CRYM: variants seen among roughly 807,000 people sequenced by gnomAD.
The protein encoded by CRYM is crystallin mu.
In CRYM, 18 loss-of-function variants were observed where a neutral mutation model predicts 32.9. That is an observed-to-expected ratio of 0.55 (90% CI 0.38 to 0.81). The LOEUF (loss-of-function observed/expected upper bound fraction) is 0.81, where lower values mean the gene tolerates loss of function less well. Among genes scored for constraint, CRYM ranks in the 30% least tolerant of loss-of-function variants. The pLI is 0.00. For missense variants in CRYM, 337 were observed against 393.5 expected, an observed-to-expected ratio of 0.86 and a Z score of 1.21; for synonymous variants, 153 against 152.4, an observed-to-expected ratio of 1.00 and a Z score of -0.03.
At chr16:21,286,972 C>A (rs972295415) in intron 1 of CRYM, among the ~76,000 whole-genome samples, 6 of 151,942 alleles carry the variant, frequency 3.9e-5, no homozygotes, top group Admixed American at 3.9e-4. Context: ...CGCCTGTAGT[C>A]CCAGCTACTA....
chr16:21,264,385 C>T (rs954692087), intron 5 of CRYM, among the ~76,000 whole-genome samples: 9 of 152,210 alleles, frequency 5.9e-5, no homozygotes, highest in East Asian at 1.9e-4. Flanking sequence ...GTCACTCAGG[C>T]GGATGGAGGT....
chr16:21,269,484 G>C (rs1426732286), intron 4 of CRYM, among the ~76,000 whole-genome samples: 1 of 152,158 alleles, frequency 6.6e-6, no homozygotes. Flanking sequence ...TAATAGACAG[G>C]AGCTAAAAGG....
intron 3 of CRYM, among the ~76,000 whole-genome samples, chr16:21,275,064 A>G (rs1295775459): frequency 6.6e-6 from 1 of 152,242 alleles, no homozygotes; most frequent in Non-Finnish European, 1.5e-5. Context: ...GGATATGTTC[A>G]GTTCACTCAG....
chr16:21,299,716 T>A (rs1355462288), intron 1 of CRYM, among the ~76,000 whole-genome samples: 1 of 152,222 alleles, frequency 6.6e-6, no homozygotes, highest in Admixed American at 6.5e-5. Context: ...GACTAGTTCA[T>A]GAGGAATAAA....
chr16:21,299,906 T>C (rs1330513815), intron 1 of CRYM: 2 of 152,226 alleles, frequency 1.3e-5, no homozygotes, highest in Non-Finnish European at 2.9e-5. Flanking sequence ...TTATCCTTTC[T>C]TGAGTAGTGT....
intron 3 of CRYM, among the ~76,000 whole-genome samples, chr16:21,272,374 T>C (rs1008113024): frequency 1.3e-5 from 2 of 152,086 alleles, no homozygotes; most frequent in African/African-American, 4.8e-5. Context: ...CACCATGCCA[T>C]GTTCCCCTGC....
upstream of CRYM, among the ~76,000 whole-genome samples, chr16:21,282,856 A>G (rs1403764649): frequency 6.6e-6 from 1 of 152,170 alleles, no homozygotes; most frequent in Non-Finnish European, 1.5e-5. Flanking sequence ...TAATTGTCCC[A>G]AGCCTCCAAT....
intron 1 of CRYM, among the ~76,000 whole-genome samples, chr16:21,302,042 C>T (rs1960957789): frequency 6.6e-6 from 1 of 152,228 alleles, no homozygotes; most frequent in Non-Finnish European, 1.5e-5. Flanking sequence ...GCATATAAAT[C>T]CTCCAGAGAC....
chr16:21,279,901 G>C (rs924061445), upstream of CRYM, among the ~76,000 whole-genome samples: 18 of 152,108 alleles, frequency 1.2e-4, no homozygotes, highest in Admixed American at 2.0e-4. Context: ...CACTGAGAGA[G>C]AAAGAGAGAG....
chr16:21,290,584 A>G (rs1960620150), intron 1 of CRYM, among the ~76,000 whole-genome samples: 1 of 152,176 alleles, frequency 6.6e-6, no homozygotes, highest in Admixed American at 6.5e-5. Flanking sequence ...CATCTTACAA[A>G]TATGCTTTTT....
Position 21,261,270 on chromosome 16 carries a change from G to A in CRYM, c.864C>T (p.Thr288=), listed in dbSNP as rs14122. Residue 288 remains threonine, a synonymous_variant, in exon 7 of 8, where the codon ACC becomes ACT. Coordinates refer to ENST00000572914, the MANE Select transcript of CRYM (RefSeq NM_001376256.1). ...GVKPAHCEKT[T]VFKSLGMAVE... is the part of the protein sequence containing the mutation. ...GGATCTTACCCAAAGACTTGAACAC[G>A]GTGGTCTTCTCACAGTGGGCTGGTT... 2.7e-5 allele frequency: 43 copies of A among 1,613,080 alleles called. No homozygotes were observed. The highest frequency in any genetic ancestry group is 2.7e-5 in the Non-Finnish European group (32 of 1,179,486).
intron 1 of CRYM, among the ~76,000 whole-genome samples, chr16:21,285,062 C>T (rs1254471570): frequency 6.6e-6 from 1 of 152,044 alleles, no homozygotes; most frequent in Non-Finnish European, 1.5e-5. Context: ...TTTGGTTACT[C>T]GTATGTCTTC....
intron 4 of CRYM, among the ~76,000 whole-genome samples, chr16:21,269,480 A>G (rs2093370567): frequency 6.6e-6 from 1 of 152,218 alleles, no homozygotes; most frequent in Admixed American, 6.5e-5. Flanking sequence ...AACATAATAG[A>G]CAGGAGCTAA....
chr16:21,275,633 T>C (rs1295691425), intron 2 of CRYM, 39 bp from the exon 3 acceptor site: 1 of 1,487,452 alleles, frequency 6.7e-7, no homozygotes, highest in Non-Finnish European at 9.4e-7. Context: ...GGGGAACCCC[T>C]GTCCACTGCA....
rs145291318 is a variant in CRYM at position 21,270,607 on chromosome 16, A to G, written c.388-716T>C. 8.5e-4 allele frequency among the ~76,000 whole-genome samples: 130 copies of G among 152,246 alleles called. No homozygotes were observed. In the East Asian group the frequency reaches 0.023, roughly 27 times the overall value. ...CCAGGTCTTACAACTATTGAAGGGC[A>G]CAGTGTGGCTCTAAAGTCACGTCTT... On this transcript the variant is annotated intron_variant, in intron 3 of 7. Transcript: ENST00000572914.
intron 3 of CRYM, among the ~76,000 whole-genome samples, chr16:21,271,651 G>A (rs2238479): frequency 0.17 from 25,697 of 152,046 alleles, 2,213 homozygotes; most frequent in Middle Eastern, 0.23. Flanking sequence ...GTCTGATAAG[G>A]ATAATTAGAT....
At position 21,277,655 on chromosome 16, in the gene CRYM, ACTTTCCTTTTT is replaced by A; in HGVS notation, c.171-82_171-72del. On this transcript the variant is annotated intron_variant, in intron 1 of 7. Coordinates refer to ENST00000572914, the MANE Select transcript of CRYM (RefSeq NM_001376256.1). This position sits in a 1 kb window ranked among gnomAD's most constrained non-coding sequence, Gnocchi z 4.2. The stretch of plus-strand genomic sequence containing the variant: ...GGGGTCTCTTAGAAAGTATCCATAT[ACTTTCCTTTTT>A]CTTTCCTTCCTCACCACCCCACTGG... The A allele has an allele frequency of 1.3e-6, 2 of 1,580,060 alleles. No individual in the cohort carries two copies. The highest frequency in any genetic ancestry group is 1.7e-6 in the Non-Finnish European group (2 of 1,158,104).
At chr16:21,266,449 C>T (rs2093363891) in intron 5 of CRYM, among the ~76,000 whole-genome samples, 1 of 151,932 alleles carries the variant, frequency 6.6e-6, no homozygotes, top group African/African-American at 2.4e-5. Flanking sequence ...AGATGTAGAC[C>T]AGCTCTTGCT....
chr16:21,270,561 G>T (rs2093373322), intron 3 of CRYM, among the ~76,000 whole-genome samples: 1 of 152,170 alleles, frequency 6.6e-6, no homozygotes, highest in Non-Finnish European at 1.5e-5. Flanking sequence ...TGGGATTACA[G>T]ACGTGAGCCA....
Sources: gnomAD v4.1 joint callset for allele counts (sites outside exome capture counted in the v4.1 genomes callset) on GRCh38, gnomAD v4.1.1 for gene constraint, Gnocchi (gnomAD v3.1) non-coding constraint, MANE v1.5 for transcripts, NCBI Gene and HGNC (gene_info 2026-07-23, HGNC 2026-07-21) for gene names.